SPIDR: variants seen among roughly 807,000 people sequenced by gnomAD.
SPIDR encodes DNA repair-scaffolding protein.
In SPIDR, 93 loss-of-function variants were observed where a neutral mutation model predicts 104.6. That is an observed-to-expected ratio of 0.89 (90% CI 0.75 to 1.06). The LOEUF (loss-of-function observed/expected upper bound fraction) is 1.06, where lower values mean the gene tolerates loss of function less well. Among genes scored for constraint, SPIDR ranks in the 50% least tolerant of loss-of-function variants. The probability of loss-of-function intolerance (pLI) is 0.00; values close to 1 mark genes in which losing one functional copy is unlikely to be tolerated. For missense variants in SPIDR, 1,154 were observed against 1,111.2 expected (o/e 1.04, Z -0.55); for synonymous variants, 431 against 416.9 (o/e 1.03, Z -0.41).
rs549681176 is a variant in SPIDR at position 47,708,038 on chromosome 8, G to A, written c.1978-4624G>A. ...TCCTGGGCCGGACACGGTGGCTTAC[G>A]CCTGTAATCCCAGCACTTTGGGAGG... On this transcript the variant is annotated intron_variant, in intron 14 of 19. Transcript: ENST00000297423. 7.9e-5 allele frequency among the ~76,000 whole-genome samples: 12 copies of A among 152,278 alleles called. 1 individual carries two copies. The highest frequency in any genetic ancestry group is 2.2e-4 in the African/African-American group (9 of 41,556).
chr8:47,420,775 G>A (rs1438620836), intron 7 of SPIDR, among the ~76,000 whole-genome samples: 2 of 152,232 alleles, frequency 1.3e-5, no homozygotes, highest in East Asian at 3.9e-4. Flanking sequence ...TTCATGTTTA[G>A]TGCTTCCTTC....
chr8:47,465,417 T>C (rs1554716368), intron 8 of SPIDR, among the ~76,000 whole-genome samples: 1 of 152,094 alleles, frequency 6.6e-6, no homozygotes, highest in Admixed American at 6.6e-5. Context: ...AGGCACAGCG[T>C]GGCAAGCTGG....
chr8:47,293,805 AAG>A (rs2040365515), intron 4 of SPIDR, 60 bp from the exon 5 acceptor site: 2 of 1,488,140 alleles, frequency 1.3e-6, no homozygotes, highest in Non-Finnish European at 1.8e-6. Context: ...CTAAGAATAA[AAG>A]AGATATAAAA....
chr8:47,573,603 G>A (rs1049264789), intron 8 of SPIDR, among the ~76,000 whole-genome samples: 1 of 152,230 alleles, frequency 6.6e-6, no homozygotes, highest in Non-Finnish European at 1.5e-5. Context: ...TGGAGGAGAA[G>A]CAAAGTCTGG....
chr8:47,429,796 G>A (rs1402786735), intron 7 of SPIDR, among the ~76,000 whole-genome samples: 3 of 149,732 alleles, frequency 2.0e-5, no homozygotes, highest in African/African-American at 4.9e-5. Flanking sequence ...GTACTTTTCT[G>A]CAGCTTATAT....
rs531455754 is a variant in SPIDR at position 47,659,770 on chromosome 8, T to A, written c.1545-14031T>A. 219 of 968,052 alleles carry A rather than the reference T, an allele frequency of 2.3e-4. No individual in the cohort carries two copies. In the South Asian group the frequency reaches 8.3e-3, roughly 37 times the overall value. 60.0% of individuals were successfully genotyped at this position (968,052 alleles called of 1,614,324 possible). ...ACTTCATCCTCTGATTTCTTGGTTT[T>A]TTTCCTTGGGTTGAAGCTTCGTAAG... On this transcript the variant is annotated intron_variant, in intron 10 of 19. Coordinates refer to ENST00000297423, the MANE Select transcript of SPIDR (RefSeq NM_001080394.4).
intron 5 of SPIDR, among the ~76,000 whole-genome samples, chr8:47,350,498 G>C (rs1587506467): frequency 2.0e-5 from 3 of 152,220 alleles, no homozygotes; most frequent in Admixed American, 2.0e-4. Context: ...ATTTTTAGTA[G>C]AGATGGGGTT....
intron 1 of SPIDR, among the ~76,000 whole-genome samples, chr8:47,271,046 G>C (rs1586112927): frequency 6.6e-6 from 1 of 152,110 alleles, no homozygotes; most frequent in Non-Finnish European, 1.5e-5. Flanking sequence ...GGGTAGGGGG[G>C]TGTCTTCATG....
At chr8:47,722,310 T>G (rs1221295922) in intron 16 of SPIDR, among the ~76,000 whole-genome samples, 7 of 152,228 alleles carry the variant, frequency 4.6e-5, no homozygotes, top group Non-Finnish European at 8.8e-5. Context: ...CTAGGTCATC[T>G]GTGAACAGTT....
rs191493670 is a variant in SPIDR at position 47,345,884 on chromosome 8, A to G, written c.526-50492A>G. On this transcript the variant is annotated intron_variant, in intron 5 of 19. Coordinates refer to ENST00000297423, the MANE Select transcript of SPIDR (RefSeq NM_001080394.4). ...TGGGGTTGAGACGATGGGGTTTTCT[A>G]AATATACAATGATGTCATCTGCAAA... Among the ~76,000 whole-genome samples the G allele has an allele frequency of 2.0e-3, 307 of 152,316 alleles. 1 individual carries two copies. The highest frequency in any genetic ancestry group is 3.8e-4 in the Non-Finnish European group (26 of 68,026).
rs761391964 is a variant in SPIDR, at chr8:47,712,893, CT to C, written c.2188+24del. 9.9e-6 allele frequency: 16 copies of C among 1,613,348 alleles called. No individual in the cohort carries two copies. The African/African-American group carries it at 2.1e-4, about 22-fold the overall frequency. On this transcript the variant is annotated intron_variant, in intron 15 of 19. Coordinates refer to ENST00000297423, the MANE Select transcript of SPIDR (RefSeq NM_001080394.4). The stretch of plus-strand genomic sequence containing the variant: ...CCAGGGTGTGCTTGCGTCTCCACAG[CT>C]TTGATGCAGGGGCGACTGATCCGTG...
At chr8:47,647,649 A>AGAGAGAGAGAGAGGGAGAGAGAGG (rs2070733719) in intron 10 of SPIDR, among the ~76,000 whole-genome samples, 2 of 142,834 alleles carry the variant, frequency 1.4e-5, no homozygotes, top group South Asian at 4.7e-4. Flanking sequence ...AGAGAGAGAG[A>AGAGAGAGAGAGAGGGAGAGAGAGG]GAGAGGGAGA....
intron 8 of SPIDR, among the ~76,000 whole-genome samples, chr8:47,582,827 TACAC>T (rs72295566): frequency 0.048 from 6,213 of 130,130 alleles, 150 homozygotes; most frequent in African/African-American, 0.079. Context: ...AACAACAAAT[TACAC>T]ACACACACAC....
intron 1 of SPIDR, among the ~76,000 whole-genome samples, chr8:47,276,363 T>C (rs2036425451): frequency 1.3e-5 from 2 of 152,218 alleles, no homozygotes; most frequent in African/African-American, 2.4e-5. Flanking sequence ...CGAAACCTAC[T>C]TTGTGCCTGA....
At chr8:47,704,743 A>G (rs1230430800) in intron 14 of SPIDR, among the ~76,000 whole-genome samples, 1 of 152,056 alleles carries the variant, frequency 6.6e-6, no homozygotes, top group Non-Finnish European at 1.5e-5. Flanking sequence ...AGTGCCTCTC[A>G]TGAAGAAATG....
At chr8:47,483,845 G>A (rs2077196352) in intron 8 of SPIDR, among the ~76,000 whole-genome samples, 1 of 152,148 alleles carries the variant, frequency 6.6e-6, no homozygotes, top group Admixed American at 6.5e-5. Flanking sequence ...CTACTTGAGT[G>A]AAGTGGCTCC....
intron 8 of SPIDR, among the ~76,000 whole-genome samples, chr8:47,492,123 C>G (rs1425167565): frequency 7.9e-5 from 12 of 152,058 alleles, no homozygotes; most frequent in African/African-American, 2.9e-4. Context: ...CTTCCCTGTG[C>G]TACATGTGAA....
At chr8:47,371,330 C>T (rs1301456753) in intron 5 of SPIDR, among the ~76,000 whole-genome samples, 1 of 152,072 alleles carries the variant, frequency 6.6e-6, no homozygotes, top group Non-Finnish European at 1.5e-5. Context: ...GCTCAGACAG[C>T]CAGGTTGGAG....
upstream of SPIDR, chr8:47,260,917 G>A (rs2031925104): frequency 8.2e-7 from 1 of 1,218,600 alleles, no homozygotes; most frequent in Non-Finnish European, 1.0e-6. Flanking sequence ...GTGGGACGGC[G>A]GCGCGCTGAG....
Sources: gnomAD v4.1 joint callset for allele counts (sites outside exome capture counted in the v4.1 genomes callset) on GRCh38, gnomAD v4.1.1 for gene constraint, MANE v1.5 for transcripts, NCBI Gene and HGNC (gene_info 2026-07-23, HGNC 2026-07-21) for gene names.